Variants in HDAC1 observed in about 807,000 individuals in gnomAD.
HDAC1 encodes protein deacetylase HDAC1.
In HDAC1, 18 loss-of-function variants were observed where a neutral mutation model predicts 65.5. That is an observed-to-expected ratio of 0.27 (90% CI 0.19 to 0.41). The LOEUF is 0.41. Ranked by LOEUF, HDAC1 falls within the 10% of genes least tolerant of loss-of-function variation. HDAC1 has a pLI of 1.00. For synonymous variants in HDAC1, 211 were observed against 227.9 expected, an observed-to-expected ratio of 0.93 and a Z score of 0.67; for missense variants, 373 against 625.2, an observed-to-expected ratio of 0.60 and a Z score of 4.30.
chr1:32,324,691 C>A, intron 4 of HDAC1, 138 bp downstream of exon 4: 1 of 686,168 alleles, frequency 1.5e-6, no homozygotes, highest in South Asian at 1.7e-5. Flanking sequence ...TCTAAAATGG[C>A]TGGTGTAGTG....
chr1:32,324,590 GGTT>G, intron 4 of HDAC1, 37 bp downstream of exon 4: 2 of 1,402,958 alleles, frequency 1.4e-6, no homozygotes, highest in Non-Finnish European at 2.0e-6. Context: ...GGGTAGACTG[GGTT>G]GTTCTAGTGA....
At chr1:32,328,856 G>A (rs1377380931) in intron 6 of HDAC1, among the ~76,000 whole-genome samples, 6 of 152,174 alleles carry the variant, frequency 3.9e-5, no homozygotes, top group Non-Finnish European at 1.5e-5. Context: ...TCTGGGGGTA[G>A]GCTTAATGCT....
At chr1:32,310,621 G>A (rs1361459248) in intron 2 of HDAC1, among the ~76,000 whole-genome samples, 2 of 152,040 alleles carry the variant, frequency 1.3e-5, no homozygotes, top group African/African-American at 4.8e-5. Flanking sequence ...AGGCTGAGGC[G>A]GATGGATCAC....
chr1:32,292,233 C>T lies in HDAC1; in HGVS notation c.49+15C>T, dbSNP rs781219722. On this transcript the variant is annotated intron_variant, in intron 1 of 13. Coordinates refer to ENST00000373548, the MANE Select transcript of HDAC1 (RefSeq NM_004964.3). ...CTACTACGACGGTGAGCACCGTCCT[C>T]GCGGCGGGGGCGGGGCCAGGCCGGG... 139 of 1,547,774 alleles carry T rather than the reference C, an allele frequency of 9.0e-5. No homozygotes were observed. The highest frequency in any genetic ancestry group is 1.2e-4 in the Non-Finnish European group (132 of 1,146,034).
intron 3 of HDAC1, among the ~76,000 whole-genome samples, chr1:32,319,853 T>C (rs1317729554): frequency 2.0e-5 from 3 of 151,968 alleles, no homozygotes; most frequent in African/African-American, 7.3e-5. Flanking sequence ...AGGGCTGCAT[T>C]GAGGTATGGT....
chr1:32,317,072 C>G (rs896147566), intron 3 of HDAC1, among the ~76,000 whole-genome samples: 1 of 152,204 alleles, frequency 6.6e-6, no homozygotes, highest in Non-Finnish European at 1.5e-5. Flanking sequence ...ACAATAGATA[C>G]AGTAAAATTT....
At chr1:32,311,344 T>A (rs760356267) in intron 2 of HDAC1, among the ~76,000 whole-genome samples, 4 of 152,098 alleles carry the variant, frequency 2.6e-5, no homozygotes, top group Non-Finnish European at 5.9e-5. Flanking sequence ...CGCGGGTGCC[T>A]GTAATCCCAG....
Position 32,331,865 on chromosome 1 carries a change from C to G in HDAC1, c.1219+59C>G. On this transcript the variant is annotated intron_variant, in intron 11 of 13. Transcript: ENST00000373548. The surrounding 1 kb of genome is among the most constrained non-coding windows in gnomAD (Gnocchi z 4.2). The stretch of plus-strand genomic sequence containing the variant: ...TTCAATAGGCAGCTCACACTTCCAC[C>G]ACCATTCCTGGCTGCACACTCCCTC... The G allele has an allele frequency of 1.3e-6, 2 of 1,543,760 alleles. No homozygotes were observed. Among genetic ancestry groups the G allele is most frequent in the South Asian group, 2.4e-5 (2 of 82,086 alleles).
chr1:32,296,805 G>C (rs1319441339), intron 1 of HDAC1, among the ~76,000 whole-genome samples: 1 of 152,224 alleles, frequency 6.6e-6, no homozygotes, highest in Middle Eastern at 3.2e-3. Context: ...AGCCAGAAGA[G>C]AGGGAGAGGC....
Position 32,294,069 on chromosome 1 carries a change from A to G in HDAC1, c.49+1851A>G, listed in dbSNP as rs964569165. Among the ~76,000 whole-genome samples the G allele has an allele frequency of 1.2e-4, 16 of 132,668 alleles. No individual in the cohort carries two copies. In the East Asian group the frequency reaches 2.9e-3, roughly 24 times the overall value. The allele number at this position is 132,668 out of a possible 152,430, so 87.0% of individuals were successfully genotyped here. A position where few individuals can be genotyped will look rare whatever the true frequency, so the allele number is the denominator to read the frequency against. The stretch of plus-strand genomic sequence containing the variant: ...GGCAACAGAGCGAGACTTCGTCTCA[A>G]AAAAAAAAAAAACAAAAAAATTCAG... On this transcript the variant is annotated intron_variant, in intron 1 of 13. Transcript: ENST00000373548.
chr1:32,313,413 AAG>A (rs1419573352), intron 2 of HDAC1, among the ~76,000 whole-genome samples: 1 of 152,140 alleles, frequency 6.6e-6, no homozygotes, highest in Non-Finnish European at 1.5e-5. Flanking sequence ...TATTTTAAAA[AAG>A]AGAAAAAGAC....
At position 32,329,300 on chromosome 1, in the gene HDAC1, G is replaced by A. The variant is rs747846601; in HGVS notation, c.729+140G>A. 18 of 680,442 alleles carry A rather than the reference G, an allele frequency of 2.6e-5. No individual in the cohort carries two copies. The highest frequency in any genetic ancestry group is 3.0e-5 in the Non-Finnish European group (11 of 372,116). The allele number at this position is 680,442 out of a possible 1,614,324, so 42.2% of individuals were successfully genotyped here. A position where few individuals can be genotyped will look rare whatever the true frequency, so the allele number is the denominator to read the frequency against. ...GATAGAAGTGTTTGAACCCTGGATT[G>A]CTGTGTGGTCAGTTAGGGGAACAAA... On this transcript the variant is annotated intron_variant, in intron 7 of 13. Transcript: ENST00000373548. The surrounding 1 kb of genome is among the most constrained non-coding windows in gnomAD (Gnocchi z 4.1).
At chr1:32,323,447 G>C (rs2148068529) in intron 3 of HDAC1, among the ~76,000 whole-genome samples, 1 of 152,184 alleles carries the variant, frequency 6.6e-6, no homozygotes, top group South Asian at 2.1e-4. Context: ...GCCCAGGCTG[G>C]AGTGCAGTTG....
intron 1 of HDAC1, among the ~76,000 whole-genome samples, chr1:32,295,607 A>G (rs1640758741): frequency 6.6e-6 from 1 of 152,140 alleles, no homozygotes; most frequent in Non-Finnish European, 1.5e-5. Context: ...TTATATGGCC[A>G]TTAATGTATT....
intron 3 of HDAC1, 50 bp from the exon 4 acceptor site, chr1:32,324,429 G>GAGC (rs1283239543): frequency 1.6e-6 from 2 of 1,278,840 alleles, no homozygotes; most frequent in Non-Finnish European, 2.3e-6. Flanking sequence ...TCATAAATAT[G>GAGC]TAAACTAAAG....
intron 2 of HDAC1, 106 bp downstream of exon 2, chr1:32,302,839 T>C: frequency 1.4e-6 from 1 of 695,484 alleles, no homozygotes; most frequent in East Asian, 2.7e-5. Flanking sequence ...ATTCATCAAA[T>C]GCATGTTGAC....
chr1:32,294,098 G>A (rs1640735006), intron 1 of HDAC1, among the ~76,000 whole-genome samples: 2 of 151,748 alleles, frequency 1.3e-5, no homozygotes, highest in Non-Finnish European at 2.9e-5. Context: ...AATTCAGATT[G>A]TAGGGGTAAG....
intron 3 of HDAC1, among the ~76,000 whole-genome samples, chr1:32,323,059 T>C (rs1473122203): frequency 6.6e-6 from 1 of 152,020 alleles, no homozygotes; most frequent in East Asian, 1.9e-4. Context: ...TCCCAGCACT[T>C]TGGGAGGCCG....
At position 32,331,635 on chromosome 1, in the gene HDAC1, T is replaced by C. The variant is rs1404180580; in HGVS notation, c.1089-41T>C. 2 of 1,613,560 alleles carry C rather than the reference T, an allele frequency of 1.2e-6. No homozygotes were observed. Among genetic ancestry groups the C allele is most frequent in the Non-Finnish European group, 1.7e-6 (2 of 1,179,714 alleles). On this transcript the variant is annotated intron_variant, in intron 10 of 13. Coordinates refer to ENST00000373548, the MANE Select transcript of HDAC1 (RefSeq NM_004964.3). This position sits in a 1 kb window ranked among gnomAD's most constrained non-coding sequence, Gnocchi z 4.2. ...GTTGAACATTCCTGACTTTGGTTTGTCCCTGACCAGAGCCCTGCTACTCTC... is the reference window on the plus strand; with the variant it reads ...GTTGAACATTCCTGACTTTGGTTTGCCCCTGACCAGAGCCCTGCTACTCTC...
Sources: allele counts gnomAD v4.1 joint callset (sites outside exome capture counted in the v4.1 genomes callset), GRCh38; gene constraint gnomAD v4.1.1; non-coding constraint Gnocchi (gnomAD v3.1); transcripts MANE v1.5; gene names NCBI Gene and HGNC (gene_info 2026-07-23, HGNC 2026-07-21).